Variants in MEF2A observed in about 807,000 individuals in gnomAD.
MEF2A encodes myocyte enhancer factor 2A.
In MEF2A, 28 loss-of-function variants were observed where a neutral mutation model predicts 55.8. The observed-to-expected ratio is 0.50, with a 90% confidence interval of 0.37 to 0.69. MEF2A has a LOEUF of 0.69. MEF2A is among the 30% of genes least tolerant of loss of function. MEF2A has a pLI of 0.00. For missense variants in MEF2A, 528 were observed against 626.2 expected (o/e 0.84, Z 1.67); for synonymous variants, 239 against 227.1 (o/e 1.05, Z -0.47).
At chr15:99,657,850 A>G (rs2047996367) in intron 4 of MEF2A, among the ~76,000 whole-genome samples, 1 of 152,288 alleles carries the variant, frequency 6.6e-6, no homozygotes, top group African/African-American at 2.4e-5. Flanking sequence ...AAAATAGAAC[A>G]TATCTGACAG....
In MEF2A at chr15:99,625,103, C is replaced by T. The variant is rs996833182; in HGVS notation, c.-142-7875C>T. ...ATAGGCTAAGCTGTGATGTTTGGTA[C>T]GTTAGGTGTATTAAGTGCATTTTTG... On this transcript the variant is annotated intron_variant, in intron 2 of 11. Transcript: ENST00000557942. 4.6e-5 allele frequency among the ~76,000 whole-genome samples: 7 copies of T among 152,210 alleles called. No individual in the cohort carries two copies. In the East Asian group the frequency reaches 5.8e-4, roughly 13 times the overall value.
At chr15:99,577,422 C>T (rs1169840570) in intron 1 of MEF2A, among the ~76,000 whole-genome samples, 2 of 88,396 alleles carry the variant, frequency 2.3e-5, no homozygotes, top group African/African-American at 6.0e-5. Context: ...TTGGCTTTCA[C>T]GGTCAGGGGG....
chr15:99,600,978 C>A (rs1972776574), intron 2 of MEF2A, among the ~76,000 whole-genome samples: 1 of 152,144 alleles, frequency 6.6e-6, no homozygotes, highest in South Asian at 2.1e-4. Flanking sequence ...CCCTAGAGAT[C>A]AATTTGGGAG....
intron 9 of MEF2A, 125 bp from the exon 10 acceptor site, chr15:99,706,604 A>G (rs1042893599): frequency 9.5e-7 from 1 of 1,047,588 alleles, no homozygotes; most frequent in Non-Finnish European, 1.4e-6. Flanking sequence ...AAGTTTTCAC[A>G]TCATCAGTGC....
chr15:99,646,398 C>G (rs552755337), intron 4 of MEF2A, among the ~76,000 whole-genome samples: 222 of 152,214 alleles, frequency 1.5e-3, no homozygotes, highest in Middle Eastern at 0.01. Context: ...TTCTCTCTTT[C>G]AAGATCTTCC....
intron 1 of MEF2A, among the ~76,000 whole-genome samples, chr15:99,583,503 T>A (rs1220382393): frequency 6.6e-6 from 1 of 152,104 alleles, no homozygotes; most frequent in East Asian, 1.9e-4. Flanking sequence ...TGTGTTTGTG[T>A]GTGCTTCTTG....
At chr15:99,661,011 A>G (rs993136544) in intron 4 of MEF2A, among the ~76,000 whole-genome samples, 4 of 152,220 alleles carry the variant, frequency 2.6e-5, no homozygotes, top group Non-Finnish European at 5.9e-5. Context: ...AAGCTATAAT[A>G]ATGAACATAC....
At chr15:99,605,805 T>C (rs1974879377) in intron 2 of MEF2A, among the ~76,000 whole-genome samples, 1 of 151,986 alleles carries the variant, frequency 6.6e-6, no homozygotes, top group African/African-American at 2.4e-5. Context: ...ACCCTGTCTC[T>C]ACAAAAAATA....
intron 8 of MEF2A, among the ~76,000 whole-genome samples, chr15:99,695,024 G>T (rs936240429): frequency 1.3e-4 from 19 of 149,476 alleles, no homozygotes; most frequent in Non-Finnish European, 1.9e-4. Context: ...TTTATTTTCC[G>T]GCACTATAAT....
At chr15:99,633,317 A>T (rs142574783) in intron 3 of MEF2A, 144 bp downstream of exon 3, 1 of 543,146 alleles carries the variant, frequency 1.8e-6, no homozygotes, top group Non-Finnish European at 3.1e-6. Context: ...TCTAACAATC[A>T]TAAAATTGTA....
chr15:99,583,761 G>A (rs975938531), intron 1 of MEF2A, among the ~76,000 whole-genome samples: 8 of 152,036 alleles, frequency 5.3e-5, no homozygotes, highest in Non-Finnish European at 8.8e-5. Flanking sequence ...GTTTAATGTG[G>A]AAACTTTCAG....
chr15:99,606,852 A>G (rs546324545), intron 2 of MEF2A, among the ~76,000 whole-genome samples: 1 of 152,280 alleles, frequency 6.6e-6, no homozygotes, highest in African/African-American at 2.4e-5. Context: ...ATACATGTAC[A>G]TGTGTGTGGA....
intron 1 of MEF2A, among the ~76,000 whole-genome samples, chr15:99,567,131 C>T (rs1490814988): frequency 6.6e-6 from 1 of 152,210 alleles, no homozygotes; most frequent in Non-Finnish European, 1.5e-5. Context: ...AGCGAGCCTC[C>T]TGTTATGGTC....
intron 5 of MEF2A, 74 bp downstream of exon 5, chr15:99,671,528 C>G (rs762881136): frequency 1.9e-6 from 3 of 1,613,734 alleles, no homozygotes; most frequent in East Asian, 2.2e-5. Flanking sequence ...AGGCTCTGAA[C>G]AAGAAGGAAC....
At chr15:99,699,896 G>T (rs773923240) in intron 8 of MEF2A, among the ~76,000 whole-genome samples, 145 of 151,948 alleles carry the variant, frequency 9.5e-4, no homozygotes, top group Non-Finnish European at 1.8e-3. Flanking sequence ...TGGGGGTGGG[G>T]TCTAGAATGA....
Position 99,690,385 on chromosome 15 carries a change from G to A in MEF2A, c.815G>A (p.Arg272Gln). 6.2e-7 allele frequency: 1 copy of A among 1,608,350 alleles called. No individual in the cohort carries two copies. The highest frequency in any genetic ancestry group is 8.5e-7 in the Non-Finnish European group (1 of 1,176,252). The change falls in exon 8 of 12, where the codon CGA becomes CAA. Residue 272 changes from arginine to glutamine, a missense_variant. Arg to Gln is a conservative substitution (Grantham distance 43). Around this residue, in one of 2 missense-constraint regions of MEF2A, gnomAD observed 450 missense variants for 475.3 expected, o/e 0.95. Coordinates refer to ENST00000557942, the MANE Select transcript of MEF2A (RefSeq NM_001319206.4). ...ATGAACAGTAGGAAACCAGATCTTCGAGTTGTCATCCCCCCTTCAAGCAAG... is the reference window on the plus strand; with the variant it reads ...ATGAACAGTAGGAAACCAGATCTTCAAGTTGTCATCCCCCCTTCAAGCAAG... Reference protein sequence around the residue: ...LGMNSRKPDLRVVIPPSSKGM... With the variant: ...LGMNSRKPDLQVVIPPSSKGM...
At chr15:99,636,005 TTTACACTCTGCTGGCAGA>T (rs1567282512) in intron 3 of MEF2A, among the ~76,000 whole-genome samples, 2 of 152,300 alleles carry the variant, frequency 1.3e-5, no homozygotes, top group East Asian at 3.9e-4. Context: ...GTTCTACTGG[TTTACACTCTGCTGGCAGA>T]GTGTAAGAGT....
At chr15:99,685,190 A>G (rs1281320644) in intron 7 of MEF2A, among the ~76,000 whole-genome samples, 1 of 152,156 alleles carries the variant, frequency 6.6e-6, no homozygotes, top group Non-Finnish European at 1.5e-5. Flanking sequence ...TTTTGGTTCC[A>G]TAGGAATTTT....
At chr15:99,711,764 CAG>C (rs1281278552) in intron 11 of MEF2A, among the ~76,000 whole-genome samples, 1 of 152,232 alleles carries the variant, frequency 6.6e-6, no homozygotes, top group Non-Finnish European at 1.5e-5. Context: ...CAGAGTATCT[CAG>C]GGAAATTTGC....
Sources: allele counts gnomAD v4.1 joint callset (sites outside exome capture counted in the v4.1 genomes callset), GRCh38; gene constraint gnomAD v4.1.1; regional missense constraint gnomAD v4.1.1; transcripts MANE v1.5; gene names NCBI Gene and HGNC (gene_info 2026-07-23, HGNC 2026-07-21).